Variants in COQ9 observed in about 807,000 individuals in gnomAD.
The protein encoded by COQ9 is coenzyme Q9.
COQ9 carries 35 observed loss-of-function variants against 42.4 expected under a neutral mutation model. The observed-to-expected ratio is 0.83, with a 90% CI of 0.63 to 1.10. The LOEUF is 1.10. Among genes scored for constraint, COQ9 ranks in the 50% least tolerant of loss-of-function variants. COQ9 has a pLI of 0.00. For synonymous variants in COQ9, 155 were observed against 155.1 expected, an observed-to-expected ratio of 1.00 and a Z score of 0.00; for missense variants, 406 against 414.6, an observed-to-expected ratio of 0.98 and a Z score of 0.18.
Position 57,460,106 on chromosome 16 carries a change from T to C in COQ9, c.921+2T>C. ...GGACTCATGGGTGCAGCAGTGACGGTGAGTACTGCCCAGCACATCCCTGCC... is the reference window on the plus strand; with the variant it reads ...GGACTCATGGGTGCAGCAGTGACGGCGAGTACTGCCCAGCACATCCCTGCC... On this transcript the variant is annotated splice_donor_variant, in intron 8 of 8. Transcript: ENST00000262507. LOFTEE classifies it high-confidence loss of function. The C allele has an allele frequency of 6.2e-7, 1 of 1,614,024 alleles. No homozygotes were observed. The highest frequency in any genetic ancestry group is 2.2e-5 in the East Asian group (1 of 44,890).
intron 5 of COQ9, chr16:57,458,023 G>C (rs1166700265): frequency 8.9e-6 from 5 of 562,320 alleles, no homozygotes; most frequent in Non-Finnish European, 1.3e-5. Flanking sequence ...TAGGGATGGA[G>C]AATGTGCTTG....
intron 1 of COQ9, among the ~76,000 whole-genome samples, chr16:57,448,673 A>G (rs1330544822): frequency 1.3e-5 from 2 of 152,164 alleles, no homozygotes; most frequent in African/African-American, 4.8e-5. Flanking sequence ...TCAGCCTCCC[A>G]AAGTGTTGGG....
chr16:57,457,735 C>T (rs1309469877), intron 5 of COQ9, among the ~76,000 whole-genome samples: 1 of 152,142 alleles, frequency 6.6e-6, no homozygotes, highest in African/African-American at 2.4e-5. Flanking sequence ...CGTATGAGGC[C>T]CTCAACTGCC....
Position 57,456,510 on chromosome 16 carries a change from G to T in COQ9, c.385G>T (p.Gly129Cys), listed in dbSNP as rs1391021317. ...TCTGTCTCCCCTTTTGTAGTCTCTG[G>T]GTCTCTCCAGTGCAGCAGCCAGCAT... ...EAIAEGAQSL[G>C]LSSAAASMFG... Residue 129 changes from glycine to cysteine, a missense_variant, in exon 4 of 9, where the codon GGT becomes TGT. Coordinates refer to ENST00000262507, the MANE Select transcript of COQ9 (RefSeq NM_020312.4). The T allele has an allele frequency of 2.5e-6, 4 of 1,613,990 alleles. No homozygotes were observed. The South Asian group carries it at 4.4e-5, about 18-fold the overall frequency.
chr16:57,460,731 A>AC lies in COQ9; in HGVS notation c.*108dup. ...CACATAACCTGGTGTTCACGAGAAC[A>AC]CACTAAAGGACTCCTGAGTCACTAC... is the stretch of plus-strand genomic sequence containing the variant. On this transcript the variant is annotated 3_prime_UTR_variant, in exon 9 of 9. Transcript: ENST00000262507. The AC allele has an allele frequency of 2.9e-6, 3 of 1,024,720 alleles. No homozygotes were observed. The highest frequency in any genetic ancestry group is 4.5e-6 in the Non-Finnish European group (3 of 660,992). 63.5% of individuals were successfully genotyped at this position (1,024,720 alleles called of 1,614,324 possible). A position where few individuals can be genotyped will look rare whatever the true frequency, so the allele number is the denominator to read the frequency against.
Position 57,460,723 on chromosome 16 carries a change from A to T in COQ9, c.*99A>T. 1 of 1,119,690 alleles carries T rather than the reference A, an allele frequency of 8.9e-7. No individual in the cohort carries two copies. Among genetic ancestry groups the T allele is most frequent in the Non-Finnish European group, 1.3e-6 (1 of 742,944 alleles). The allele number at this position is 1,119,690 out of a possible 1,614,324, so 69.4% of individuals were successfully genotyped here. A position where few individuals can be genotyped will look rare whatever the true frequency, so the allele number is the denominator to read the frequency against. ...GTGCCATCCACATAACCTGGTGTTC[A>T]CGAGAACACACTAAAGGACTCCTGA... On this transcript the variant is annotated 3_prime_UTR_variant, in exon 9 of 9. Transcript: ENST00000262507.
chr16:57,458,014 A>G (rs2030444403), intron 5 of COQ9: 1 of 539,072 alleles, frequency 1.9e-6, no homozygotes, highest in East Asian at 3.5e-5. Flanking sequence ...TCCAAATGCT[A>G]GGGATGGAGA....
intron 1 of COQ9, 191 bp from the exon 2 acceptor site, chr16:57,450,849 C>T: frequency 3.0e-6 from 2 of 671,964 alleles, no homozygotes; most frequent in Admixed American, 2.2e-5. Flanking sequence ...TCCTGGCTTA[C>T]CACTTTTGCT....
At chr16:57,456,239 AAAAG>A (rs2030399181) in intron 3 of COQ9, among the ~76,000 whole-genome samples, 1 of 152,152 alleles carries the variant, frequency 6.6e-6, no homozygotes. Context: ...TAGTTTCTAA[AAAAG>A]AAAGAAGACC....
At chr16:57,455,030 G>A (rs2030370457) in intron 3 of COQ9, among the ~76,000 whole-genome samples, 1 of 152,158 alleles carries the variant, frequency 6.6e-6, no homozygotes, top group Non-Finnish European at 1.5e-5. Flanking sequence ...TGGATTGGAG[G>A]CAGAGAGAGA....
chr16:57,459,804 G>T, intron 7 of COQ9, 84 bp downstream of exon 7: 1 of 1,528,308 alleles, frequency 6.5e-7, no homozygotes, highest in South Asian at 1.1e-5. Flanking sequence ...GCTCCCTTTT[G>T]GCCTCAGCTG....
Position 57,447,577 on chromosome 16 carries a change from C to G in COQ9, c.72C>G (p.Pro24=). 7.9e-7 allele frequency: 1 copy of G among 1,273,396 alleles called. No homozygotes were observed. The highest frequency in any genetic ancestry group is 2.8e-4 in the Middle Eastern group (1 of 3,574). The allele number at this position is 1,273,396 out of a possible 1,614,324, so 78.9% of individuals were successfully genotyped here. Residue 24 remains proline, a splice_region_variant and synonymous_variant, in exon 1 of 9, where the codon CCC becomes CCG. Coordinates refer to ENST00000262507, the MANE Select transcript of COQ9 (RefSeq NM_020312.4). The part of the protein sequence containing the change: ...GWRLLQLRCL[P]VARCRQALVP... ...GGCTCCTGCAGCTGCGATGCCTGCCCGGTGAGGGGGCTGCCAAGCCGGGGA... is the reference window on the plus strand; with the variant it reads ...GGCTCCTGCAGCTGCGATGCCTGCCGGGTGAGGGGGCTGCCAAGCCGGGGA...
intron 3 of COQ9, chr16:57,454,075 C>G (rs547353691): frequency 3.4e-4 from 51 of 152,226 alleles, no homozygotes; most frequent in African/African-American, 1.2e-3. Flanking sequence ...TGGAGGGACC[C>G]GATCATTAGA....
chr16:57,447,574 G>A lies in COQ9; in HGVS notation c.69G>A (p.Leu23=), dbSNP rs1301184309. 5.5e-6 allele frequency: 7 copies of A among 1,276,708 alleles called. No individual in the cohort carries two copies. The African/African-American group carries it at 7.7e-5, about 14-fold the overall frequency. 79.1% of individuals were successfully genotyped at this position (1,276,708 alleles called of 1,614,324 possible). A position where few individuals can be genotyped will look rare whatever the true frequency, so the allele number is the denominator to read the frequency against. The change falls in exon 1 of 9, where the codon CTG becomes CTA. Residue 23 remains leucine, a synonymous_variant. Coordinates refer to ENST00000262507, the MANE Select transcript of COQ9 (RefSeq NM_020312.4). ...GGAGGCTCCTGCAGCTGCGATGCCT[G>A]CCCGGTGAGGGGGCTGCCAAGCCGG... ...AGWRLLQLRC[L]PVARCRQALV...
rs2030149928 is a variant in COQ9 at position 57,447,526 on chromosome 16, T to C, written c.21T>C (p.Ser7=). The C allele has an allele frequency of 1.5e-6, 2 of 1,311,090 alleles. No homozygotes were observed. Among genetic ancestry groups the C allele is most frequent in the Non-Finnish European group, 2.0e-6 (2 of 1,024,698 alleles). The allele number at this position is 1,311,090 out of a possible 1,614,324, so 81.2% of individuals were successfully genotyped here. The change falls in exon 1 of 9, where the codon TCT becomes TCC. Residue 7 remains serine (S), a synonymous_variant. Coordinates refer to ENST00000262507, the MANE Select transcript of COQ9 (RefSeq NM_020312.4). ...CCAAAATGGCGGCGGCGGCGGTATC[T>C]GGTGCGCTTGGCCGGGCGGGCTGGA... MAAAAV[S]GALGRAGWRL... is the part of the protein sequence containing the mutation.
chr16:57,460,691 G>A lies in COQ9; in HGVS notation c.*67G>A. 6.8e-7 allele frequency: 1 copy of A among 1,473,396 alleles called. No individual in the cohort carries two copies. Among genetic ancestry groups the A allele is most frequent in the Non-Finnish European group, 9.5e-7 (1 of 1,053,652 alleles). The allele number at this position is 1,473,396 out of a possible 1,614,324, so 91.3% of individuals were successfully genotyped here. On this transcript the variant is annotated 3_prime_UTR_variant, in exon 9 of 9. Transcript: ENST00000262507. ...GGACAGATTGAAAGAGCTTTGAAAA[G>A]TATAAGGTGCCATCCACATAACCTG...
At chr16:57,449,330 C>A (rs1482593511) in intron 1 of COQ9, among the ~76,000 whole-genome samples, 1 of 152,012 alleles carries the variant, frequency 6.6e-6, no homozygotes, top group Non-Finnish European at 1.5e-5. Flanking sequence ...GGGATGTGGC[C>A]CTGAGTGATG....
intron 2 of COQ9, among the ~76,000 whole-genome samples, chr16:57,452,043 G>A (rs767800051): frequency 2.0e-5 from 3 of 152,006 alleles, no homozygotes; most frequent in Non-Finnish European, 2.9e-5. Context: ...TGAAATTAGC[G>A]TGTTCCTTTT....
At chr16:57,457,468 CT>C (rs2030432252) in intron 5 of COQ9, 2 of 313,014 alleles carry the variant, frequency 6.4e-6, no homozygotes, top group African/African-American at 4.3e-5. Flanking sequence ...GTTTTTTCAC[CT>C]TTTCTGAAGC....
Sources: gnomAD v4.1 joint callset for allele counts (sites outside exome capture counted in the v4.1 genomes callset) on GRCh38, gnomAD v4.1.1 for gene constraint, MANE v1.5 for transcripts, NCBI Gene and HGNC (gene_info 2026-07-23, HGNC 2026-07-21) for gene names.